Variants in ISLR2 observed in about 807,000 individuals in gnomAD.
ISLR2 encodes the protein immunoglobulin superfamily containing leucine rich repeat 2, also known as immunoglobulin superfamily containing leucine-rich repeat protein 2.
A neutral mutation model predicts 25.5 loss-of-function variants in ISLR2; 16 were observed. That is an observed-to-expected ratio of 0.63 (90% confidence interval 0.43 to 0.95). The LOEUF (loss-of-function observed/expected upper bound fraction) is 0.95. ISLR2 is among the 40% of genes least tolerant of loss of function. ISLR2 has a pLI of 0.00. For synonymous variants in ISLR2, 508 were observed against 486.6 expected (o/e 1.04, Z -0.58); for missense variants, 883 against 1,030.7 (o/e 0.86, Z 1.96).
downstream of ISLR2, among the ~76,000 whole-genome samples, chr15:74,141,502 C>A (rs568553887): frequency 7.9e-5 from 12 of 152,294 alleles, 1 homozygote; most frequent in African/African-American, 2.9e-4. Context: ...ATAATAGAGG[C>A]TTGTCACACA....
chr15:74,108,072 A>C (rs2072135647), intron 2 of ISLR2, among the ~76,000 whole-genome samples: 1 of 152,164 alleles, frequency 6.6e-6, no homozygotes, highest in South Asian at 2.1e-4. Flanking sequence ...GCCCTGGCCC[A>C]GTCCAGGTTT....
rs2072497040 is a variant in ISLR2, at chr15:74,133,992, C to T, written c.1238C>T (p.Pro413Leu). ...GGCAACAGCGTCCTGCCTTCCAAAC[C>T]CGAGGGCAAAATCAAAGGCCAAGGC... Reference protein sequence around the residue: ...GRGNSVLPSKPEGKIKGQGLA... With the variant: ...GRGNSVLPSKLEGKIKGQGLA... Residue 413 changes from proline (P) to leucine (L), a missense_variant, in exon 3 of 3, where the codon CCC becomes CTC. By Grantham distance (98) the Pro-to-Leu change is moderately conservative. Transcript: ENST00000453268. The T allele has an allele frequency of 6.2e-7, 1 of 1,612,124 alleles. No homozygotes were observed. Among genetic ancestry groups the T allele is most frequent in the South Asian group, 1.1e-5 (1 of 90,726 alleles).
upstream of ISLR2, among the ~76,000 whole-genome samples, chr15:74,125,293 A>C (rs2072286079): frequency 6.6e-6 from 1 of 151,930 alleles, no homozygotes; most frequent in Non-Finnish European, 1.5e-5. Context: ...GCTGGAGTGC[A>C]GTGGTGTGAT....
At chr15:74,105,896 C>G (rs905622342) in intron 2 of ISLR2, among the ~76,000 whole-genome samples, 1 of 152,076 alleles carries the variant, frequency 6.6e-6, no homozygotes, top group African/African-American at 2.4e-5. Context: ...TAAGAATAGC[C>G]ACATACTGTA....
Position 74,134,965 on chromosome 15 carries a change from T to C in ISLR2, c.2211T>C (p.Asn737=), listed in dbSNP as rs991917421. 8.7e-6 allele frequency: 14 copies of C among 1,613,470 alleles called. No individual in the cohort carries two copies. The highest frequency in any genetic ancestry group is 1.2e-5 in the Non-Finnish European group (14 of 1,179,888). Residue 737 remains asparagine (N), a synonymous_variant, in exon 3 of 3, where the codon AAT becomes AAC. Transcript: ENST00000453268. ...CGGTCAACATCGCCCAGGAGATTAA[T>C]GGCAACTACAGGCAGACGGCAGGCT... ...AEAVNIAQEI[N]GNYRQTAG
At chr15:74,131,997 T>C (rs1450023302) in intron 2 of ISLR2, 1 of 152,352 alleles carries the variant, frequency 6.6e-6, no homozygotes, top group Admixed American at 6.5e-5. Context: ...CACAGGCACA[T>C]GCCTGTGTTC....
rs752276896 is a variant in ISLR2, at chr15:74,132,829, C to T, written c.75C>T (p.Ala25=). 2.5e-6 allele frequency: 4 copies of T among 1,613,988 alleles called. No homozygotes were observed. In the African/African-American group the frequency reaches 5.3e-5, roughly 22 times the overall value. ...CCGGATCATGCCCGGAGCCGTGCGC[C>T]TGCGTGGACAAGTACGCTCACCAGT... ...GVAGSCPEPC[A]CVDKYAHQFA... Residue 25 remains alanine (A), a synonymous_variant, in exon 3 of 3, where the codon GCC becomes GCT. Transcript: ENST00000453268. The surrounding 1 kb of genome is among the most constrained non-coding windows in gnomAD (Gnocchi z 4.3).
chr15:74,119,567 G>A (rs2072236800), intron 2 of ISLR2, among the ~76,000 whole-genome samples: 2 of 151,844 alleles, frequency 1.3e-5, no homozygotes, highest in African/African-American at 2.4e-5. Flanking sequence ...CTTCCTCACC[G>A]CTAGTAAACA....
In ISLR2 at chr15:74,133,830, A is replaced by G; in HGVS notation, c.1076A>G (p.Asn359Ser). Reference protein sequence around the residue: ...EAGVYTCRAHNELGANSTSIR... With the variant: ...EAGVYTCRAHSELGANSTSIR... Reference sequence around the variant, plus strand: ...GGCGTCTACACTTGCCGTGCACACAATGAGCTGGGCGCCAACTCTACGTCA... The same window carrying G: ...GGCGTCTACACTTGCCGTGCACACAGTGAGCTGGGCGCCAACTCTACGTCA... Residue 359 changes from asparagine (N) to serine (S), a missense_variant, in exon 3 of 3, where the codon AAT becomes AGT. Physicochemically the swap from Asn to Ser is conservative, Grantham distance 46. Around this residue, in one of 2 missense-constraint regions of ISLR2, gnomAD observed 612 missense variants for 642.8 expected, o/e 0.95. Coordinates refer to ENST00000453268, the MANE Select transcript of ISLR2 (RefSeq NM_020851.3). The G allele has an allele frequency of 2.5e-6, 4 of 1,613,812 alleles. No homozygotes were observed. Among genetic ancestry groups the G allele is most frequent in the South Asian group, 2.2e-5 (2 of 91,056 alleles).
At chr15:74,119,711 G>GA (rs1350998029) in intron 2 of ISLR2, among the ~76,000 whole-genome samples, 9 of 152,206 alleles carry the variant, frequency 5.9e-5, no homozygotes, top group South Asian at 4.2e-4. Flanking sequence ...TTGAACACTG[G>GA]AAATATACAC....
intron 2 of ISLR2, among the ~76,000 whole-genome samples, chr15:74,115,834 T>G (rs1299699063): frequency 6.6e-6 from 1 of 151,354 alleles, no homozygotes; most frequent in East Asian, 1.9e-4. Flanking sequence ...GCTCCATATG[T>G]TCAAGAAGGC....
At chr15:74,102,501 A>G (rs2072088041) in intron 1 of ISLR2, among the ~76,000 whole-genome samples, 1 of 147,912 alleles carries the variant, frequency 6.8e-6, no homozygotes, top group Admixed American at 6.8e-5. Flanking sequence ...AAGATTGACT[A>G]TTTAGAGCAG....
intron 2 of ISLR2, among the ~76,000 whole-genome samples, chr15:74,111,795 G>A (rs1210770119): frequency 6.6e-6 from 1 of 152,192 alleles, no homozygotes; most frequent in Non-Finnish European, 1.5e-5. Flanking sequence ...CAGATTAGTG[G>A]TTGTCAGGAG....
At position 74,133,215 on chromosome 15, in the gene ISLR2, TCAA is replaced by T; in HGVS notation, c.469_471del (p.Asn157del). ...CTACCCGACCTGCGTTCCCTGCGCA[TCAA>T]CAACAACCGGCTGCGTACGCTGGCG... is the stretch of plus-strand genomic sequence containing the variant. On this transcript the variant is annotated inframe_deletion, in exon 3 of 3. Coordinates refer to ENST00000453268, the MANE Select transcript of ISLR2 (RefSeq NM_020851.3). 3 of 1,613,118 alleles carry T rather than the reference TCAA, an allele frequency of 1.9e-6. No homozygotes were observed. Among genetic ancestry groups the T allele is most frequent in the Non-Finnish European group, 2.5e-6 (3 of 1,180,016 alleles).
chr15:74,116,838 G>A (rs1255405484), intron 2 of ISLR2, among the ~76,000 whole-genome samples: 1 of 152,200 alleles, frequency 6.6e-6, no homozygotes, highest in African/African-American at 2.4e-5. Context: ...CATTGCTCCT[G>A]GAAGTGGGAA....
chr15:74,126,094 G>C (rs2072292552), upstream of ISLR2: 1 of 152,042 alleles, frequency 6.6e-6, no homozygotes, highest in Non-Finnish European at 1.5e-5. Context: ...GTGCAAAGGG[G>C]GTGGTGGTGG....
chr15:74,126,416 A>G (rs1308961302), upstream of ISLR2: 1 of 132,406 alleles, frequency 7.6e-6, no homozygotes, highest in Non-Finnish European at 1.5e-5. Context: ...ATGCAGTGGC[A>G]CTATCTCGGC....
In ISLR2 at chr15:74,133,455, G is replaced by C; in HGVS notation, c.701G>C (p.Ser234Thr). The change falls in exon 3 of 3, where the codon AGC becomes ACC. Residue 234 changes from serine to threonine, a missense_variant. By Grantham distance (58) the Ser-to-Thr change is moderately conservative. Transcript: ENST00000453268. ...RLPALPCAPP[S>T]VHLSAEPPLE... The stretch of plus-strand genomic sequence containing the variant: ...CCCGCCCTGCCCTGTGCACCGCCCA[G>C]CGTGCATCTGAGTGCCGAGCCACCG... 1.2e-6 allele frequency: 2 copies of C among 1,611,606 alleles called. No homozygotes were observed. The highest frequency in any genetic ancestry group is 1.7e-6 in the Non-Finnish European group (2 of 1,179,700).
intron 2 of ISLR2, among the ~76,000 whole-genome samples, chr15:74,114,181 C>A (rs1446377026): frequency 6.6e-6 from 1 of 152,194 alleles, no homozygotes; most frequent in East Asian, 1.9e-4. Context: ...TCAGATTGTA[C>A]CTGGAACTGC....
Sources: allele counts gnomAD v4.1 joint callset (sites outside exome capture counted in the v4.1 genomes callset), GRCh38; gene constraint gnomAD v4.1.1; regional missense constraint gnomAD v4.1.1; non-coding constraint Gnocchi (gnomAD v3.1); transcripts MANE v1.5; gene names NCBI Gene and HGNC (gene_info 2026-07-23, HGNC 2026-07-21).